TSEN2: variants seen among roughly 807,000 people sequenced by gnomAD.
TSEN2 encodes tRNA-splicing endonuclease subunit Sen2.
A neutral mutation model predicts 59.2 loss-of-function variants in TSEN2; 54 were observed. That is an observed-to-expected ratio of 0.91 (90% CI 0.73 to 1.14). The LOEUF (loss-of-function observed/expected upper bound fraction) is 1.14, where lower values mean the gene tolerates loss of function less well. TSEN2 is among the 50% of genes most tolerant of loss of function. The probability of loss-of-function intolerance (pLI) is 0.00; values close to 1 mark genes in which losing one functional copy is unlikely to be tolerated. For missense variants in TSEN2, 636 were observed against 576.2 expected (o/e 1.10, Z -1.06); for synonymous variants, 195 against 198.2 (o/e 0.98, Z 0.14).
At chr3:12,526,479 G>A (rs1490131348) in intron 8 of TSEN2, among the ~76,000 whole-genome samples, 2 of 152,232 alleles carry the variant, frequency 1.3e-5, no homozygotes, top group South Asian at 4.1e-4. Context: ...GGAGCAATAA[G>A]TGATATCACA....
chr3:12,513,490 A>G (rs1423770033), intron 6 of TSEN2, among the ~76,000 whole-genome samples: 1 of 152,198 alleles, frequency 6.6e-6, no homozygotes, highest in African/African-American at 2.4e-5. Context: ...AAATCTTTGT[A>G]CGATTTGATC....
At chr3:12,491,508 C>A (rs12497431) in intron 2 of TSEN2, among the ~76,000 whole-genome samples, 3,635 of 152,284 alleles carry the variant, frequency 0.024, 63 homozygotes, top group South Asian at 0.059. Context: ...TTCAGGCACA[C>A]TGTGTTCCCG....
At chr3:12,522,090 G>A (rs1329752977) in intron 8 of TSEN2, among the ~76,000 whole-genome samples, 1 of 152,144 alleles carries the variant, frequency 6.6e-6, no homozygotes, top group Non-Finnish European at 1.5e-5. Flanking sequence ...TCATTATAGT[G>A]TATTGTTATA....
chr3:12,519,423 C>A lies in TSEN2; in HGVS notation c.1099+226C>A, dbSNP rs145333576. Among the ~76,000 whole-genome samples, 5 of 152,328 alleles carry A rather than the reference C, an allele frequency of 3.3e-5. No homozygotes were observed. The East Asian group carries it at 9.7e-4, about 29-fold the overall frequency. ...TAGAAGCTTGCAACGCCAGTTCAGG[C>A]TTTCCCTCTTGTTTGCTCTATGATC... On this transcript the variant is annotated intron_variant, in intron 8 of 11. Transcript: ENST00000284995.
chr3:12,503,901 G>A, intron 5 of TSEN2, 117 bp downstream of exon 5: 2 of 1,376,184 alleles, frequency 1.5e-6, no homozygotes, highest in Non-Finnish European at 2.0e-6. Context: ...TCCAAGGGAA[G>A]CAGCAGGCTT....
intron 10 of TSEN2, 85 bp downstream of exon 10, chr3:12,529,958 A>C (rs1256350259): frequency 1.3e-6 from 2 of 1,554,616 alleles, no homozygotes; most frequent in Non-Finnish European, 1.7e-6. Flanking sequence ...GAATCAAAAA[A>C]GTTAGTTGTA....
intron 6 of TSEN2, among the ~76,000 whole-genome samples, chr3:12,513,798 A>G (rs1162511206): frequency 6.6e-6 from 1 of 152,248 alleles, no homozygotes; most frequent in Non-Finnish European, 1.5e-5. Flanking sequence ...AGTGATGGAA[A>G]GAGAAAAGGT....
intron 5 of TSEN2, 144 bp downstream of exon 5, chr3:12,503,928 T>A: frequency 9.7e-7 from 1 of 1,034,546 alleles, no homozygotes; most frequent in Non-Finnish European, 1.4e-6. Context: ...ACAGCAGCTG[T>A]GAGGGCCATT....
Position 12,503,771 on chromosome 3 carries a change from C to T in TSEN2, c.818C>T (p.Ala273Val), listed in dbSNP as rs1469123867. The T allele has an allele frequency of 2.5e-6, 4 of 1,613,858 alleles. No individual in the cohort carries two copies. The highest frequency in any genetic ancestry group is 1.3e-5 in the African/African-American group (1 of 74,898). Residue 273 changes from alanine (A) to valine (V), a missense_variant, in exon 5 of 12, where the codon GCC becomes GTC. Coordinates refer to ENST00000284995, the MANE Select transcript of TSEN2 (RefSeq NM_025265.4). ...AECAMSEREA[A>V]PNEELVQRNR... ...TGTGCCATGAGCGAGAGGGAGGCTG[C>T]CCCAAATGAGGAAGTAAGTAGAAGA...
At chr3:12,508,750 C>T (rs909148328) in intron 6 of TSEN2, among the ~76,000 whole-genome samples, 1 of 152,218 alleles carries the variant, frequency 6.6e-6, no homozygotes, top group Admixed American at 6.5e-5. Context: ...GTATTTACCT[C>T]AGTTATTTCT....
intron 7 of TSEN2, 64 bp downstream of exon 7, chr3:12,516,725 T>A: frequency 5.9e-6 from 8 of 1,362,086 alleles, no homozygotes; most frequent in Non-Finnish European, 8.4e-6. Context: ...CAGGTTGTAC[T>A]AATTTCTATA....
chr3:12,496,341 G>A (rs886222356), intron 3 of TSEN2, among the ~76,000 whole-genome samples, 177 bp from the exon 4 acceptor site: 5 of 152,212 alleles, frequency 3.3e-5, no homozygotes, highest in Admixed American at 6.5e-5. Context: ...CCTGCCAAGG[G>A]TATGGGTTCA....
chr3:12,513,470 A>G (rs1575376686), intron 6 of TSEN2, among the ~76,000 whole-genome samples: 2 of 152,328 alleles, frequency 1.3e-5, no homozygotes, highest in African/African-American at 2.4e-5. Context: ...GGTGCTTTTC[A>G]TAGCTTATTA....
At chr3:12,480,528 GTTTTTTTT>G (rs752340308), upstream of TSEN2, among the ~76,000 whole-genome samples, 3 of 91,752 alleles carry the variant, frequency 3.3e-5, no homozygotes, top group South Asian at 3.4e-4. Context: ...TTGTTTCTTT[GTTTTTTTT>G]TTTTTTTTTT....
intron 8 of TSEN2, among the ~76,000 whole-genome samples, chr3:12,526,319 A>G (rs1428988814): frequency 2.6e-5 from 4 of 152,320 alleles, no homozygotes; most frequent in South Asian, 2.1e-4. Context: ...GGCTGCATTC[A>G]TAAGTCCCCT....
At chr3:12,537,347 C>T (rs2057695453), downstream of TSEN2, among the ~76,000 whole-genome samples, 1 of 150,750 alleles carries the variant, frequency 6.6e-6, no homozygotes. Context: ...TGCAGTGAGC[C>T]GTGATTGTGC....
At chr3:12,518,304 G>T (rs1249622612) in intron 7 of TSEN2, among the ~76,000 whole-genome samples, 3 of 152,066 alleles carry the variant, frequency 2.0e-5, no homozygotes, top group Admixed American at 6.5e-5. Flanking sequence ...AGTGTTTTTT[G>T]TTCTTCTGAA....
At chr3:12,517,218 C>A (rs1008941057) in intron 7 of TSEN2, among the ~76,000 whole-genome samples, 2 of 151,762 alleles carry the variant, frequency 1.3e-5, no homozygotes, top group Non-Finnish European at 2.9e-5. Flanking sequence ...ATTAGCCGGG[C>A]GTGTTGGCAT....
chr3:12,505,264 C>CA, intron 6 of TSEN2, 33 bp downstream of exon 6: 1 of 1,403,656 alleles, frequency 7.1e-7, no homozygotes, highest in Non-Finnish European at 1.0e-6. Flanking sequence ...TTTCAGCCAT[C>CA]GGTCTCTGGG....
Sources: gnomAD v4.1 joint callset for allele counts (sites outside exome capture counted in the v4.1 genomes callset) on GRCh38, gnomAD v4.1.1 for gene constraint, MANE v1.5 for transcripts, NCBI Gene and HGNC (gene_info 2026-07-23, HGNC 2026-07-21) for gene names.